CCSER1: variants seen among roughly 807,000 people sequenced by gnomAD.
CCSER1 encodes the protein serine-rich coiled-coil domain-containing protein 1.
CCSER1 carries 41 observed loss-of-function variants against 82.0 expected under a neutral mutation model. The observed-to-expected ratio is 0.50, with a 90% CI of 0.39 to 0.65. The LOEUF is 0.65. CCSER1 is among the 30% of genes least tolerant of loss of function. The probability of loss-of-function intolerance (pLI) is 0.00; values close to 1 mark genes in which losing one functional copy is unlikely to be tolerated. For missense variants in CCSER1, 1,119 were observed against 1,064.2 expected, an observed-to-expected ratio of 1.05 and a Z score of -0.72; for synonymous variants, 414 against 383.9, an observed-to-expected ratio of 1.08 and a Z score of -0.92.
chr4:91,448,963 G>A (rs964731258), intron 10 of CCSER1, among the ~76,000 whole-genome samples: 1 of 152,030 alleles, frequency 6.6e-6, no homozygotes, highest in Non-Finnish European at 1.5e-5. Flanking sequence ...GATGGGGTAG[G>A]GGGTAGGTAT....
At chr4:90,710,276 G>T (rs988397230) in intron 6 of CCSER1, among the ~76,000 whole-genome samples, 25 of 151,780 alleles carry the variant, frequency 1.6e-4, no homozygotes, top group Admixed American at 6.6e-4. Context: ...GTTTTTTGTT[G>T]TTGTTGTTGT....
chr4:90,481,238 T>C (rs1765905311), intron 5 of CCSER1, among the ~76,000 whole-genome samples: 1 of 152,254 alleles, frequency 6.6e-6, no homozygotes, highest in Non-Finnish European at 1.5e-5. Context: ...GAGACTTTGC[T>C]GAAGTTTCTT....
rs374201003 is a variant in CCSER1 at position 90,282,003 on chromosome 4, G to A, written c.-41-26241G>A. Among the ~76,000 whole-genome samples, 5 of 151,962 alleles carry A rather than the reference G, an allele frequency of 3.3e-5. No homozygotes were observed. In the East Asian group the frequency reaches 7.7e-4, roughly 23 times the overall value. On this transcript the variant is annotated intron_variant, in intron 1 of 10. Transcript: ENST00000509176. ...TTTTCTAAACTGAATTTTCAAAAAG[G>A]CACTAAGGATGACTGAGCAAAGCAT... is the stretch of plus-strand genomic sequence containing the variant.
At chr4:91,246,794 T>A (rs1739812629) in intron 10 of CCSER1, among the ~76,000 whole-genome samples, 1 of 149,780 alleles carries the variant, frequency 6.7e-6, no homozygotes. Flanking sequence ...TCAGAAAATT[T>A]AAAAAAAGGC....
chr4:90,932,197 G>C (rs1475460798), intron 9 of CCSER1, among the ~76,000 whole-genome samples: 1 of 152,048 alleles, frequency 6.6e-6, no homozygotes, highest in Non-Finnish European at 1.5e-5. Flanking sequence ...ATCTATTATA[G>C]AGAAAATTTA....
chr4:91,171,302 A>G (rs1362788611), intron 10 of CCSER1, among the ~76,000 whole-genome samples: 1 of 152,174 alleles, frequency 6.6e-6, no homozygotes, highest in Non-Finnish European at 1.5e-5. Context: ...AGTCTAAGTT[A>G]TTGTTTACAC....
chr4:90,884,181 A>G (rs1721766468), intron 8 of CCSER1, among the ~76,000 whole-genome samples: 1 of 152,206 alleles, frequency 6.6e-6, no homozygotes, highest in African/African-American at 2.4e-5. Context: ...TGGGACTTGT[A>G]GACCCACAAG....
chr4:90,851,846 G>A (rs1763930377), intron 8 of CCSER1, among the ~76,000 whole-genome samples: 1 of 151,996 alleles, frequency 6.6e-6, no homozygotes. Context: ...ATAACTGTGT[G>A]GCATGTTATC....
intron 10 of CCSER1, among the ~76,000 whole-genome samples, chr4:91,395,125 C>G (rs550025334): frequency 3.9e-5 from 6 of 152,020 alleles, no homozygotes; most frequent in African/African-American, 1.2e-4. Flanking sequence ...AATTATTCAA[C>G]CTGGTGTTCT....
intron 5 of CCSER1, among the ~76,000 whole-genome samples, chr4:90,481,354 C>T (rs1765926111): frequency 6.6e-6 from 1 of 152,120 alleles, no homozygotes; most frequent in African/African-American, 2.4e-5. Flanking sequence ...TAATTGAATA[C>T]CCTCTATTTC....
intron 5 of CCSER1, among the ~76,000 whole-genome samples, chr4:90,623,859 C>A (rs1260600746): frequency 1.3e-5 from 2 of 152,130 alleles, no homozygotes; most frequent in Admixed American, 6.5e-5. Context: ...CAGATAGTTT[C>A]TGTTAGGTTC....
At chr4:91,293,184 G>T (rs1743888271) in intron 10 of CCSER1, among the ~76,000 whole-genome samples, 3 of 151,928 alleles carry the variant, frequency 2.0e-5, no homozygotes, top group African/African-American at 7.2e-5. Flanking sequence ...ATTCCTTAGA[G>T]TTCCTTTCCC....
At chr4:90,721,894 A>C (rs1424377890) in intron 6 of CCSER1, among the ~76,000 whole-genome samples, 2 of 151,328 alleles carry the variant, frequency 1.3e-5, no homozygotes, top group African/African-American at 4.8e-5. Flanking sequence ...TATTTATCTC[A>C]ATATTTCCTC....
At chr4:91,465,026 C>G (rs1405621549) in intron 10 of CCSER1, among the ~76,000 whole-genome samples, 1 of 152,200 alleles carries the variant, frequency 6.6e-6, no homozygotes, top group Non-Finnish European at 1.5e-5. Flanking sequence ...CTACAGAACT[C>G]TCCACCCCAA....
chr4:90,414,281 A>G (rs979226134), intron 4 of CCSER1, among the ~76,000 whole-genome samples: 1 of 151,608 alleles, frequency 6.6e-6, no homozygotes, highest in Non-Finnish European at 1.5e-5. Context: ...TAAGGTTTTC[A>G]ATTTAAAAGG....
chr4:90,359,926 T>C (rs1745045436), intron 3 of CCSER1, among the ~76,000 whole-genome samples: 1 of 147,948 alleles, frequency 6.8e-6, no homozygotes, highest in Admixed American at 6.7e-5. Context: ...TATATAATTT[T>C]TTTTTTTTTT....
chr4:90,687,777 G>A lies in CCSER1; in HGVS notation c.1933-36137G>A, dbSNP rs557588011. On this transcript the variant is annotated intron_variant, in intron 6 of 10. Transcript: ENST00000509176. ...GGTAGACTGAAAGGAAGGAAGAGAA[G>A]GAAGGACTAATATAAAATGCCTTAG... Among the ~76,000 whole-genome samples, 8 of 152,206 alleles carry A rather than the reference G, an allele frequency of 5.3e-5. No individual in the cohort carries two copies. In the East Asian group the frequency reaches 1.4e-3, roughly 26 times the overall value.
intron 9 of CCSER1, among the ~76,000 whole-genome samples, chr4:90,996,095 A>C (rs1390129328): frequency 6.6e-6 from 1 of 152,138 alleles, no homozygotes; most frequent in East Asian, 1.9e-4. Flanking sequence ...GAATGAATAT[A>C]CAAGGTTAAA....
At chr4:90,438,853 T>C (rs1456264157) in intron 4 of CCSER1, among the ~76,000 whole-genome samples, 1 of 152,190 alleles carries the variant, frequency 6.6e-6, no homozygotes, top group Non-Finnish European at 1.5e-5. Context: ...TCTGAATCAT[T>C]AGAAAAATTA....
Sources: gnomAD v4.1 joint callset for allele counts (sites outside exome capture counted in the v4.1 genomes callset) on GRCh38, gnomAD v4.1.1 for gene constraint, MANE v1.5 for transcripts, NCBI Gene and HGNC (gene_info 2026-07-23, HGNC 2026-07-21) for gene names.